The following ADARB2 variants were observed in gnomAD, a reference collection of about 807,000 sequenced individuals.
The protein encoded by ADARB2 is inactive double-stranded RNA-specific editase B2.
A neutral mutation model predicts 62.2 loss-of-function variants in ADARB2; 25 were observed. The observed-to-expected ratio is 0.40, with a 90% CI of 0.29 to 0.56. The LOEUF (loss-of-function observed/expected upper bound fraction) is 0.56, where lower values mean the gene tolerates loss of function less well. Ranked by LOEUF, ADARB2 falls within the 20% of genes least tolerant of loss-of-function variation. The pLI is 0.43. For missense variants in ADARB2, 1,071 were observed against 1,077.4 expected (o/e 0.99, Z 0.08); for synonymous variants, 572 against 500.8 (o/e 1.14, Z -1.90).
chr10:1,468,182 A>T (rs2131914612), intron 1 of ADARB2, among the ~76,000 whole-genome samples: 1 of 152,340 alleles, frequency 6.6e-6, no homozygotes, highest in African/African-American at 2.4e-5. Context: ...GACTAAAAAG[A>T]AAAAGAAAAA....
In ADARB2 at chr10:1,349,042, C is replaced by A. The variant is rs1000058618; in HGVS notation, c.1077+13986G>T. ...GTCAGGCCTCTGAGCCCAAGCTAAG[C>A]CATCATATCCCCTGTGACCTGCAGG... On this transcript the variant is annotated intron_variant, in intron 3 of 9. Coordinates refer to ENST00000381312, the MANE Select transcript of ADARB2 (RefSeq NM_018702.4). Among the ~76,000 whole-genome samples, 15 of 152,240 alleles carry A rather than the reference C, an allele frequency of 9.9e-5. No homozygotes were observed. The South Asian group carries it at 1.0e-3, about 11-fold the overall frequency.
intron 7 of ADARB2, chr10:1,215,868 A>G (rs942795246): frequency 6.6e-6 from 1 of 152,276 alleles, no homozygotes; most frequent in Non-Finnish European, 1.5e-5. Flanking sequence ...CGTCAGACCA[A>G]TGTGGGGGAG....
intron 1 of ADARB2, among the ~76,000 whole-genome samples, chr10:1,539,018 C>G (rs969083312): frequency 6.6e-6 from 1 of 152,168 alleles, no homozygotes; most frequent in Non-Finnish European, 1.5e-5. Context: ...CAGAGACCTG[C>G]CTGGCTCCAC....
rs141321827 is a variant in ADARB2, at chr10:1,343,987, A to G, written c.1077+19041T>C. Among the ~76,000 whole-genome samples the G allele has an allele frequency of 2.4e-3, 367 of 152,310 alleles. 1 individual carries two copies. In the East Asian group the frequency reaches 0.026, roughly 11 times the overall value. ...AACCCCCACAACACACAATTTACCC[A>G]TATAGCAAACCTGCACATGTACCCT... On this transcript the variant is annotated intron_variant, in intron 3 of 9. Coordinates refer to ENST00000381312, the MANE Select transcript of ADARB2 (RefSeq NM_018702.4).
intron 3 of ADARB2, among the ~76,000 whole-genome samples, chr10:1,339,671 G>T (rs2131837817): frequency 6.6e-6 from 1 of 152,310 alleles, no homozygotes; most frequent in Non-Finnish European, 1.5e-5. Context: ...GCCATGAAAA[G>T]CTGAGCAGCA....
At chr10:1,591,726 A>G (rs1833259203) in intron 1 of ADARB2, among the ~76,000 whole-genome samples, 1 of 152,068 alleles carries the variant, frequency 6.6e-6, no homozygotes, top group Non-Finnish European at 1.5e-5. Flanking sequence ...TTGTTGGACG[A>G]GGTGGCAGAT....
chr10:1,327,389 CCCCA>C (rs1831875375), intron 3 of ADARB2, among the ~76,000 whole-genome samples: 1 of 85,844 alleles, frequency 1.2e-5, no homozygotes, highest in Non-Finnish European at 2.4e-5. Flanking sequence ...CACAGCGCCT[CCCCA>C]CTGCACAGCG....
chr10:1,642,930 T>A (rs1185639037), intron 1 of ADARB2, among the ~76,000 whole-genome samples: 1 of 152,136 alleles, frequency 6.6e-6, no homozygotes, highest in Non-Finnish European at 1.5e-5. Context: ...CTAGGAAACC[T>A]CCACCCCGCG....
Position 1,737,035 on chromosome 10 carries a change from G to T in ADARB2, c.100+16C>A. 1.2e-6 allele frequency: 2 copies of T among 1,608,484 alleles called. No individual in the cohort carries two copies. The highest frequency in any genetic ancestry group is 8.5e-7 in the Non-Finnish European group (1 of 1,179,618). ...GGTGAAGGGGGGCAGGGGCCGGCGC[G>T]CCACGCGGTCCTTACCTTTCCGCTT... On this transcript the variant is annotated intron_variant, in intron 1 of 9. Transcript: ENST00000381312.
intron 1 of ADARB2, among the ~76,000 whole-genome samples, chr10:1,606,149 G>A (rs762527178): frequency 6.6e-5 from 10 of 152,148 alleles, no homozygotes; most frequent in Non-Finnish European, 1.0e-4. Flanking sequence ...CTCTTCCCCC[G>A]CTCCTTCCTT....
intron 2 of ADARB2, among the ~76,000 whole-genome samples, chr10:1,378,084 T>G (rs779916785): frequency 6.6e-6 from 1 of 152,196 alleles, no homozygotes. Context: ...GTGTTAAAAT[T>G]TGAGGAGCTG....
At chr10:1,225,461 T>A (rs896932979) in intron 6 of ADARB2, among the ~76,000 whole-genome samples, 16 of 152,204 alleles carry the variant, frequency 1.1e-4, no homozygotes, top group Non-Finnish European at 2.2e-4. Context: ...ATTATGATGT[T>A]AGCTGGTTAT....
At chr10:1,289,299 A>G (rs1222142602) in intron 3 of ADARB2, among the ~76,000 whole-genome samples, 3 of 152,240 alleles carry the variant, frequency 2.0e-5, no homozygotes, top group African/African-American at 7.2e-5. Context: ...TGATGCCTCA[A>G]TTCTCTCTAA....
At chr10:1,514,972 C>A (rs557840997) in intron 1 of ADARB2, among the ~76,000 whole-genome samples, 2 of 152,004 alleles carry the variant, frequency 1.3e-5, no homozygotes, top group South Asian at 2.1e-4. Flanking sequence ...AGAAAAGGGG[C>A]GAAAGAGACA....
chr10:1,725,393 T>C (rs1174997176), intron 1 of ADARB2, among the ~76,000 whole-genome samples: 1 of 152,188 alleles, frequency 6.6e-6, no homozygotes, highest in African/African-American at 2.4e-5. Context: ...ATGTCATTCC[T>C]TCTTGCAAAA....
At chr10:1,549,836 G>A (rs924316890) in intron 1 of ADARB2, among the ~76,000 whole-genome samples, 3 of 152,120 alleles carry the variant, frequency 2.0e-5, no homozygotes, top group African/African-American at 7.2e-5. Context: ...TGCGATCCCG[G>A]AGAGACGGCA....
At chr10:1,638,506 G>GTTTTTT (rs5782589) in intron 1 of ADARB2, among the ~76,000 whole-genome samples, 1 of 148,626 alleles carries the variant, frequency 6.7e-6, no homozygotes, top group Non-Finnish European at 1.5e-5. Context: ...CTTTCATGAG[G>GTTTTTT]TTTTTTTTTT....
intron 1 of ADARB2, among the ~76,000 whole-genome samples, chr10:1,570,179 C>T (rs889441575): frequency 6.6e-6 from 1 of 152,004 alleles, no homozygotes; most frequent in Non-Finnish European, 1.5e-5. Context: ...TCGATTTGTG[C>T]GGTTTTATTT....
At position 1,681,761 on chromosome 10, in the gene ADARB2, A is replaced by G. The variant is rs1834539524; in HGVS notation, c.100+55290T>C. 2.0e-5 allele frequency among the ~76,000 whole-genome samples: 3 copies of G among 152,362 alleles called. No individual in the cohort carries two copies. The East Asian group carries it at 5.8e-4, about 29-fold the overall frequency. On this transcript the variant is annotated intron_variant, in intron 1 of 9. Transcript: ENST00000381312. ...GTCCAACTTCACAATGGGGCCTGAT[A>G]ACATGCATTTTACATGCAATCAAAT... is the stretch of plus-strand genomic sequence containing the variant.
Sources: gnomAD v4.1 joint callset for allele counts (sites outside exome capture counted in the v4.1 genomes callset) on GRCh38, gnomAD v4.1.1 for gene constraint, MANE v1.5 for transcripts, NCBI Gene and HGNC (gene_info 2026-07-23, HGNC 2026-07-21) for gene names.